The following GPC5 variants were observed in gnomAD, a reference collection of about 807,000 sequenced individuals.
GPC5 encodes the protein glypican 5.
A neutral mutation model predicts 53.9 loss-of-function variants in GPC5; 47 were observed. The ratio of observed to expected loss-of-function variants is 0.87; its 90% confidence interval spans 0.69 to 1.11. The LOEUF is 1.11. GPC5 is among the 50% of genes most tolerant of loss of function. The pLI is 0.00. For missense variants in GPC5, 748 were observed against 713.1 expected (o/e 1.05, Z -0.56); for synonymous variants, 286 against 263.3 (o/e 1.09, Z -0.84).
intron 6 of GPC5, among the ~76,000 whole-genome samples, chr13:91,985,106 C>A (rs9523466): frequency 0.61 from 92,230 of 152,002 alleles, 28,666 homozygotes; most frequent in East Asian, 0.75. Flanking sequence ...TACTTTTTTC[C>A]ACTTCTGTCT....
At chr13:92,489,511 A>G (rs894287322) in intron 7 of GPC5, among the ~76,000 whole-genome samples, 1 of 152,096 alleles carries the variant, frequency 6.6e-6, no homozygotes, top group Non-Finnish European at 1.5e-5. Flanking sequence ...TTGTTATTTT[A>G]GTTGAGGGAT....
chr13:91,796,050 T>C (rs1320214508), intron 5 of GPC5, among the ~76,000 whole-genome samples: 1 of 152,086 alleles, frequency 6.6e-6, no homozygotes, highest in Non-Finnish European at 1.5e-5. Flanking sequence ...GGCCAGCCAC[T>C]CCCAAGATGG....
chr13:92,167,810 C>T (rs934433869), intron 7 of GPC5, among the ~76,000 whole-genome samples: 1 of 150,842 alleles, frequency 6.6e-6, no homozygotes, highest in Non-Finnish European at 1.5e-5. Context: ...AACAAATGGA[C>T]TTTGTAGCTC....
chr13:91,556,212 A>G (rs1594248133), intron 2 of GPC5, among the ~76,000 whole-genome samples: 1 of 152,048 alleles, frequency 6.6e-6, no homozygotes, highest in South Asian at 2.1e-4. Flanking sequence ...AAAACTCAGC[A>G]TAATTCCCTT....
intron 7 of GPC5, among the ~76,000 whole-genome samples, chr13:92,344,578 G>A (rs1017838247): frequency 1.3e-5 from 2 of 152,118 alleles, no homozygotes; most frequent in Non-Finnish European, 2.9e-5. Context: ...TGGGAGAGCA[G>A]GACAGTCTTC....
intron 6 of GPC5, among the ~76,000 whole-genome samples, chr13:92,038,100 T>C (rs2040908354): frequency 6.6e-6 from 1 of 152,034 alleles, no homozygotes; most frequent in Admixed American, 6.5e-5. Flanking sequence ...GATTGGCTTA[T>C]GGATATATTT....
At chr13:91,766,550 A>G (rs536345960) in intron 5 of GPC5, among the ~76,000 whole-genome samples, 7 of 152,184 alleles carry the variant, frequency 4.6e-5, no homozygotes, top group Non-Finnish European at 7.3e-5. Flanking sequence ...CTCTAAGTGC[A>G]TCACTTTTCT....
intron 7 of GPC5, among the ~76,000 whole-genome samples, chr13:92,168,941 A>G (rs904347945): frequency 6.6e-6 from 1 of 152,224 alleles, no homozygotes; most frequent in Non-Finnish European, 1.5e-5. Context: ...CCACCCCAAC[A>G]GTTATAGACC....
intron 5 of GPC5, among the ~76,000 whole-genome samples, chr13:91,874,632 G>A (rs562137171): frequency 6.6e-6 from 1 of 152,242 alleles, no homozygotes; most frequent in South Asian, 2.1e-4. Context: ...TTTGATAATG[G>A]TGTGTATCTT....
chr13:92,517,154 C>T (rs953036251), intron 7 of GPC5, among the ~76,000 whole-genome samples: 23 of 152,108 alleles, frequency 1.5e-4, no homozygotes, highest in Non-Finnish European at 2.8e-4. Flanking sequence ...ATTCCTGAGG[C>T]TTGTGTAGGT....
intron 7 of GPC5, among the ~76,000 whole-genome samples, chr13:92,441,956 A>C (rs1325399489): frequency 6.6e-6 from 1 of 152,242 alleles, no homozygotes; most frequent in Non-Finnish European, 1.5e-5. Context: ...AGAGGCAGTC[A>C]GGACCATATA....
chr13:91,804,770 G>A (rs2038193343), intron 5 of GPC5, among the ~76,000 whole-genome samples: 1 of 152,186 alleles, frequency 6.6e-6, no homozygotes, highest in Non-Finnish European at 1.5e-5. Context: ...GGCAGGTTTG[G>A]CAGGGCAAAA....
intron 7 of GPC5, among the ~76,000 whole-genome samples, chr13:92,315,877 A>T (rs539791072): frequency 2.4e-4 from 37 of 152,334 alleles, no homozygotes; most frequent in Admixed American, 2.4e-3. Flanking sequence ...TCAGTCATTC[A>T]GTGAAGATAT....
intron 5 of GPC5, among the ~76,000 whole-genome samples, chr13:91,782,792 G>T (rs1250538859): frequency 6.6e-6 from 1 of 151,922 alleles, no homozygotes; most frequent in African/African-American, 2.4e-5. Context: ...ATAAATAAAA[G>T]AATCAACTCC....
chr13:92,717,316 T>C (rs1166571823), intron 7 of GPC5, among the ~76,000 whole-genome samples: 1 of 152,108 alleles, frequency 6.6e-6, no homozygotes, highest in African/African-American at 2.4e-5. Context: ...CTACAGCCCT[T>C]GCCTCAGAGT....
At position 91,399,128 on chromosome 13, in the gene GPC5, C is replaced by A. The variant is rs563486174; in HGVS notation, c.82C>A (p.Gln28Lys). ...LVGSARSEGV[Q>K]TCEEVRKLFQ... Reference sequence around the variant, plus strand: ...TGGGTCCGCCCGCAGCGAGGGCGTGCAGACCTGCGAAGAAGTTCGGAAACT... The same window carrying A: ...TGGGTCCGCCCGCAGCGAGGGCGTGAAGACCTGCGAAGAAGTTCGGAAACT... Residue 28 changes from glutamine to lysine, a missense_variant, in exon 1 of 8, where the codon CAG (glutamine) becomes AAG (lysine). Coordinates refer to ENST00000377067, the MANE Select transcript of GPC5 (RefSeq NM_004466.6). 3.2e-5 allele frequency: 52 copies of A among 1,612,484 alleles called. No homozygotes were observed. Among genetic ancestry groups the A allele is most frequent in the Non-Finnish European group, 4.2e-5 (49 of 1,179,406 alleles).
intron 7 of GPC5, among the ~76,000 whole-genome samples, chr13:92,362,962 G>A (rs12875735): frequency 0.01 from 1,545 of 151,754 alleles, 30 homozygotes; most frequent in Middle Eastern, 0.048. Context: ...GGGAAACCTC[G>A]TCAGAGCCTG....
intron 6 of GPC5, among the ~76,000 whole-genome samples, chr13:92,074,434 C>T (rs955549916): frequency 6.6e-6 from 1 of 152,112 alleles, no homozygotes; most frequent in Non-Finnish European, 1.5e-5. Context: ...ATTTGAAGTA[C>T]AAGAAACAGC....
intron 2 of GPC5, among the ~76,000 whole-genome samples, chr13:91,650,750 G>GTTTTGTTTTTTT (rs1555333961): frequency 2.0e-4 from 20 of 99,598 alleles, no homozygotes; most frequent in African/African-American, 7.7e-4. Flanking sequence ...ATTCCCATAA[G>GTTTTGTTTTTTT]TTTTTTTTTT....
Sources: gnomAD v4.1 joint callset for allele counts (sites outside exome capture counted in the v4.1 genomes callset) on GRCh38, gnomAD v4.1.1 for gene constraint, MANE v1.5 for transcripts, NCBI Gene and HGNC (gene_info 2026-07-23, HGNC 2026-07-21) for gene names.